The following PDZD2 variants were observed in gnomAD, a reference collection of about 807,000 sequenced individuals.
PDZD2 encodes PDZ domain-containing protein 2.
In PDZD2, 90 loss-of-function variants were observed where a neutral mutation model predicts 220.7. The ratio of observed to expected loss-of-function variants is 0.41; its 90% confidence interval spans 0.34 to 0.49. The LOEUF (loss-of-function observed/expected upper bound fraction) is 0.49. Ranked by LOEUF, PDZD2 falls within the 20% of genes least tolerant of loss-of-function variation. The pLI is 0.28. For synonymous variants in PDZD2, 1,375 were observed against 1,450.5 expected (o/e 0.95, Z 1.18); for missense variants, 3,174 against 3,608.5 (o/e 0.88, Z 3.08).
chr5:31,894,058 C>CTTT (rs35969573), intron 2 of PDZD2, among the ~76,000 whole-genome samples: 1 of 69,760 alleles, frequency 1.4e-5, no homozygotes, highest in Admixed American at 2.1e-4. Context: ...CCACGCCCAG[C>CTTT]TTTTTTTTTT....
At chr5:31,802,691 C>T (rs910927537) in intron 2 of PDZD2, among the ~76,000 whole-genome samples, 3 of 152,014 alleles carry the variant, frequency 2.0e-5, no homozygotes, top group African/African-American at 2.4e-5. Flanking sequence ...GAGGCCGAGG[C>T]GGGCAGATCA....
At chr5:32,107,826 CT>C in intron 24 of PDZD2, 142 bp from the exon 25 acceptor site, 1 of 521,776 alleles carries the variant, frequency 1.9e-6, no homozygotes. Context: ...TGGATATATG[CT>C]TTTTGTGTTC....
intron 21 of PDZD2, among the ~76,000 whole-genome samples, chr5:32,095,904 C>CTTT (rs78609791): frequency 1.6e-5 from 2 of 121,320 alleles, no homozygotes; most frequent in African/African-American, 3.1e-5. Context: ...CCATGCCCGG[C>CTTT]TTTTTTTTTT....
At position 31,964,287 on chromosome 5, in the gene PDZD2, T is replaced by TCCATTATCC. The variant is rs554567657; in HGVS notation, c.477-18866_477-18858dup. Among the ~76,000 whole-genome samples, 510 of 152,300 alleles carry TCCATTATCC rather than the reference T, an allele frequency of 3.3e-3. 1 individual carries two copies. The highest frequency in any genetic ancestry group is 5.1e-3 in the Non-Finnish European group (349 of 68,026). ...GCAGGTGGGAATCCCACCATCTGAG[T>TCCATTATCC]CCATTATCCCATTGAAGCCTCCTGT... On this transcript the variant is annotated intron_variant, in intron 2 of 24. Transcript: ENST00000438447.
chr5:31,654,331 G>A (rs1024531883), intron 1 of PDZD2, among the ~76,000 whole-genome samples: 4 of 151,998 alleles, frequency 2.6e-5, no homozygotes, highest in South Asian at 2.1e-4. Flanking sequence ...TCCTGGTGCC[G>A]CAGGAGCATT....
Position 31,983,182 on chromosome 5 carries a change from C to T in PDZD2, c.504C>T (p.Gly168=), listed in dbSNP as rs375900576. 1.2e-5 allele frequency: 19 copies of T among 1,613,690 alleles called. No individual in the cohort carries two copies. The highest frequency in any genetic ancestry group is 2.7e-5 in the African/African-American group (2 of 74,892). ...ASYLAEQCWN[G]GFIYLIMLRR... The stretch of plus-strand genomic sequence containing the variant: ...ACCTGGCTGAGCAGTGCTGGAATGG[C>T]GGCTTTATCTACCTGATCATGCTGC... Residue 168 remains glycine (G), a synonymous_variant, in exon 3 of 25, where the codon GGC becomes GGT. Coordinates refer to ENST00000438447, the MANE Select transcript of PDZD2 (RefSeq NM_178140.4).
intron 1 of PDZD2, among the ~76,000 whole-genome samples, chr5:31,647,936 ACCACTACTC>A (rs1262577040): frequency 1.3e-5 from 2 of 152,142 alleles, no homozygotes; most frequent in Non-Finnish European, 2.9e-5. Context: ...TTGCATATGG[ACCACTACTC>A]TCTTTTGCCT....
At chr5:32,107,295 C>T (rs933609871) in intron 24 of PDZD2, 1 of 152,140 alleles carries the variant, frequency 6.6e-6, no homozygotes, top group Non-Finnish European at 1.5e-5. Context: ...CTAATGAGCA[C>T]ATAATCACTG....
At chr5:31,837,677 T>C (rs1757029309) in intron 2 of PDZD2, among the ~76,000 whole-genome samples, 1 of 152,070 alleles carries the variant, frequency 6.6e-6, no homozygotes, top group Non-Finnish European at 1.5e-5. Flanking sequence ...TGAGCCGAGA[T>C]TGTGTCACTG....
At position 32,061,070 on chromosome 5, in the gene PDZD2, C is replaced by T; in HGVS notation, c.2387C>T (p.Ala796Val). 6.2e-7 allele frequency: 1 copy of T among 1,614,090 alleles called. No individual in the cohort carries two copies. Among genetic ancestry groups the T allele is most frequent in the Non-Finnish European group, 8.5e-7 (1 of 1,179,936 alleles). Residue 796 changes from alanine (A) to valine (V), a missense_variant, in exon 14 of 25, where the codon GCC (alanine) becomes GTC (valine). Physicochemically the swap from Ala to Val is moderately conservative, Grantham distance 64. Transcript: ENST00000438447. ...CATGCTGCTTTAAGCAAAGTCCACG[C>T]CATCTTGAGTAAATGCCCTCCAGGA... ...VRHAALSKVH[A>V]ILSKCPPGPV...
intron 3 of PDZD2, among the ~76,000 whole-genome samples, chr5:31,995,192 T>A (rs1334393142): frequency 6.6e-6 from 1 of 152,196 alleles, no homozygotes; most frequent in Non-Finnish European, 1.5e-5. Context: ...TTCAGGAAAT[T>A]TAATCACTTT....
At chr5:31,807,420 G>A (rs1754802833) in intron 2 of PDZD2, among the ~76,000 whole-genome samples, 1 of 152,190 alleles carries the variant, frequency 6.6e-6, no homozygotes, top group Admixed American at 6.5e-5. Context: ...TTTACCTAAT[G>A]TACTGAATAC....
chr5:31,737,277 A>T lies in PDZD2; in HGVS notation c.-360-61612A>T, dbSNP rs1157688256. Among the ~76,000 whole-genome samples, 3 of 139,274 alleles carry T rather than the reference A, an allele frequency of 2.2e-5. No homozygotes were observed. The East Asian group carries it at 6.4e-4, about 30-fold the overall frequency. 91.4% of individuals were successfully genotyped at this position (139,274 alleles called of 152,430 possible). ...AAGCTCCGCCTCTCAGGTTCACGCC[A>T]TTCTCCTGCCTCAGCCTCCTGAGTA... On this transcript the variant is annotated intron_variant, in intron 1 of 24. Coordinates refer to ENST00000438447, the MANE Select transcript of PDZD2 (RefSeq NM_178140.4).
intron 2 of PDZD2, among the ~76,000 whole-genome samples, chr5:31,934,560 G>A (rs1020096962): frequency 1.2e-4 from 15 of 129,186 alleles, no homozygotes; most frequent in African/African-American, 3.8e-4. Flanking sequence ...GAGCACATGA[G>A]AAAATGTATA....
At chr5:32,080,474 A>T (rs1741825956) in intron 19 of PDZD2, among the ~76,000 whole-genome samples, 1 of 151,944 alleles carries the variant, frequency 6.6e-6, no homozygotes, top group South Asian at 2.1e-4. Flanking sequence ...GTATCTTCAT[A>T]CATTTTAAGA....
intron 2 of PDZD2, among the ~76,000 whole-genome samples, chr5:31,854,274 G>T (rs1222920008): frequency 2.6e-5 from 4 of 152,262 alleles, no homozygotes; most frequent in Non-Finnish European, 2.9e-5. Context: ...CTGGAGCGAT[G>T]GCTGCAGGGC....
At chr5:32,020,450 C>A (rs1427923061) in intron 6 of PDZD2, among the ~76,000 whole-genome samples, 1 of 152,154 alleles carries the variant, frequency 6.6e-6, no homozygotes, top group African/African-American at 2.4e-5. Flanking sequence ...CATCATGTAT[C>A]TCAGGATAAC....
intron 1 of PDZD2, among the ~76,000 whole-genome samples, chr5:31,768,982 C>T (rs927257344): frequency 6.6e-6 from 1 of 152,202 alleles, no homozygotes; most frequent in East Asian, 1.9e-4. Flanking sequence ...CATGCTGCCC[C>T]CAGGTGTCAG....
Position 31,886,494 on chromosome 5 carries a change from T to A in PDZD2, c.476+86770T>A, listed in dbSNP as rs1740488493. On this transcript the variant is annotated intron_variant, in intron 2 of 24. Coordinates refer to ENST00000438447, the MANE Select transcript of PDZD2 (RefSeq NM_178140.4). ...TGCCCGCTGGAGAAATTCCTCCCTT[T>A]GCCCCTCCACCCTTCTGAGAACTGT... 2.0e-5 allele frequency among the ~76,000 whole-genome samples: 3 copies of A among 152,224 alleles called. No homozygotes were observed. The South Asian group carries it at 6.2e-4, about 32-fold the overall frequency.
Sources: gnomAD v4.1 joint callset for allele counts (sites outside exome capture counted in the v4.1 genomes callset) on GRCh38, gnomAD v4.1.1 for gene constraint, MANE v1.5 for transcripts, NCBI Gene and HGNC (gene_info 2026-07-23, HGNC 2026-07-21) for gene names.